DNAH12: variants seen among roughly 807,000 people sequenced by gnomAD.
DNAH12 encodes the protein dynein axonemal heavy chain 12, also known as axonemal beta dynein heavy chain 12.
DNAH12 carries 285 observed loss-of-function variants against 371.5 expected under a neutral mutation model. The observed-to-expected ratio is 0.77, with a 90% confidence interval of 0.70 to 0.85. The LOEUF (loss-of-function observed/expected upper bound fraction) is 0.85, where lower values mean the gene tolerates loss of function less well. DNAH12 is among the 40% of genes least tolerant of loss of function. The pLI, the probability that DNAH12 is intolerant of heterozygous loss-of-function variation, is 0.00. For missense variants in DNAH12, 3,611 were observed against 3,689.4 expected, an observed-to-expected ratio of 0.98 and a Z score of 0.55; for synonymous variants, 1,200 against 1,213.0, an observed-to-expected ratio of 0.99 and a Z score of 0.22.
chr3:57,432,187 T>C (rs1189811803), intron 32 of DNAH12, among the ~76,000 whole-genome samples: 2 of 140,656 alleles, frequency 1.4e-5, no homozygotes, highest in Non-Finnish European at 3.1e-5. Flanking sequence ...TTTTTTTTTC[T>C]GAGATGGAGT....
intron 13 of DNAH12, among the ~76,000 whole-genome samples, chr3:57,476,623 T>G (rs2066535892): frequency 6.6e-6 from 1 of 152,206 alleles, no homozygotes; most frequent in African/African-American, 2.4e-5. Flanking sequence ...CAAGGGATTA[T>G]GATGGGCTTC....
chr3:57,294,180 T>C (rs929067422), intron 73 of DNAH12, among the ~76,000 whole-genome samples: 2 of 147,448 alleles, frequency 1.4e-5, no homozygotes, highest in Non-Finnish European at 3.0e-5. Context: ...TCTTTTCTTT[T>C]TTTTTTTTTT....
chr3:57,370,252 A>G (rs1416757404), intron 55 of DNAH12, among the ~76,000 whole-genome samples: 2 of 152,242 alleles, frequency 1.3e-5, no homozygotes, highest in African/African-American at 4.8e-5. Flanking sequence ...AAGTGTTTTC[A>G]TCATGGTTGA....
At chr3:57,449,483 C>T (rs1452959101) in intron 25 of DNAH12, among the ~76,000 whole-genome samples, 2 of 152,230 alleles carry the variant, frequency 1.3e-5, no homozygotes, top group Admixed American at 1.3e-4. Context: ...GGTCCCGAGC[C>T]ATGCCCGGCG....
At chr3:57,545,804 T>G (rs911374818), upstream of DNAH12, among the ~76,000 whole-genome samples, 1 of 152,056 alleles carries the variant, frequency 6.6e-6, no homozygotes, top group Non-Finnish European at 1.5e-5. Context: ...TCCAGCCCAT[T>G]TGGACAAAAA....
chr3:57,497,473 A>G (rs2067361825), intron 11 of DNAH12, among the ~76,000 whole-genome samples: 1 of 152,256 alleles, frequency 6.6e-6, no homozygotes, highest in Admixed American at 6.5e-5. Context: ...AGATGGCAAG[A>G]TAATTCAATG....
chr3:57,504,207 G>A lies in DNAH12; in HGVS notation c.898-3C>T, dbSNP rs371486739. 157 of 1,601,724 alleles carry A rather than the reference G, an allele frequency of 9.8e-5. 1 individual carries two copies. In the South Asian group the frequency reaches 1.4e-3, roughly 15 times the overall value. ...GTTCTCCTTAATAGATCCTTTAGCT[G>A]CGTGATATAAATCACTGTTACTTTA... On this transcript the variant is annotated splice_region_variant and splice_polypyrimidine_tract_variant and intron_variant, in intron 8 of 73. Coordinates refer to ENST00000495027, the MANE Select transcript of DNAH12 (RefSeq NM_001366028.2).
chr3:57,421,866 A>G, intron 35 of DNAH12, 160 bp from the exon 36 acceptor site: 1 of 567,794 alleles, frequency 1.8e-6, no homozygotes, highest in East Asian at 3.0e-5. Flanking sequence ...CCACATAGTC[A>G]TTTCTCTGAC....
At chr3:57,382,569 TCAG>T (rs2063416129) in intron 49 of DNAH12, among the ~76,000 whole-genome samples, 176 bp from the exon 50 acceptor site, 3 of 151,928 alleles carry the variant, frequency 2.0e-5, no homozygotes, top group Non-Finnish European at 2.9e-5. Context: ...AAAAGAGAAT[TCAG>T]CACAGATTAA....
At chr3:57,448,511 C>T (rs1263295195) in intron 25 of DNAH12, among the ~76,000 whole-genome samples, 1 of 148,354 alleles carries the variant, frequency 6.7e-6, no homozygotes, top group Non-Finnish European at 1.5e-5. Flanking sequence ...TGTAGGTCTT[C>T]GCAGTGAGTG....
intron 11 of DNAH12, among the ~76,000 whole-genome samples, chr3:57,492,144 A>G (rs2067149280): frequency 6.6e-6 from 1 of 152,142 alleles, no homozygotes; most frequent in African/African-American, 2.4e-5. Flanking sequence ...CCTGGACAAC[A>G]GAGACCCTGT....
At chr3:57,538,155 T>C (rs1471137167) in intron 2 of DNAH12, among the ~76,000 whole-genome samples, 1 of 152,168 alleles carries the variant, frequency 6.6e-6, no homozygotes, top group Non-Finnish European at 1.5e-5. Flanking sequence ...TGAAGTGGAA[T>C]TCAGTAAGAG....
chr3:57,320,216 T>G (rs1311909725), intron 65 of DNAH12, among the ~76,000 whole-genome samples: 1 of 152,204 alleles, frequency 6.6e-6, no homozygotes. Flanking sequence ...TTCCTTTGAC[T>G]AAAATGTCAG....
chr3:57,459,098 AAT>A (rs1259906644), intron 20 of DNAH12, among the ~76,000 whole-genome samples: 2 of 152,180 alleles, frequency 1.3e-5, no homozygotes, highest in Non-Finnish European at 2.9e-5. Flanking sequence ...GTGTATGAAA[AAT>A]ATATAGTCTG....
chr3:57,301,695 C>T (rs2061349340), intron 70 of DNAH12, 40 bp downstream of exon 70: 2 of 1,340,720 alleles, frequency 1.5e-6, no homozygotes, highest in Non-Finnish European at 2.1e-6. Context: ...CACACACACA[C>T]ACACACACAC....
At chr3:57,363,328 TAATA>T (rs1313954191) in intron 58 of DNAH12, among the ~76,000 whole-genome samples, 1 of 152,152 alleles carries the variant, frequency 6.6e-6, no homozygotes, top group Non-Finnish European at 1.5e-5. Context: ...TATCCAATAA[TAATA>T]AATATATTTT....
intron 69 of DNAH12, among the ~76,000 whole-genome samples, chr3:57,302,532 T>C (rs866451222): frequency 1.8e-4 from 7 of 37,860 alleles, no homozygotes; most frequent in African/African-American, 5.1e-4. Flanking sequence ...ATCAGGTGTA[T>C]ATATATATAT....
intron 60 of DNAH12, among the ~76,000 whole-genome samples, chr3:57,339,377 T>G (rs1553655322): frequency 1.0e-5 from 1 of 100,020 alleles, no homozygotes; most frequent in African/African-American, 3.7e-5. Context: ...GATCAATAAA[T>G]ACTAAAAAAA....
chr3:57,488,647 G>A (rs1028325804), intron 12 of DNAH12, among the ~76,000 whole-genome samples: 21 of 152,182 alleles, frequency 1.4e-4, no homozygotes, highest in Middle Eastern at 6.8e-3. Flanking sequence ...TTTGCTTCCG[G>A]GAAAATAAAC....
Sources: gnomAD v4.1 joint callset for allele counts (sites outside exome capture counted in the v4.1 genomes callset) on GRCh38, gnomAD v4.1.1 for gene constraint, MANE v1.5 for transcripts, NCBI Gene and HGNC (gene_info 2026-07-23, HGNC 2026-07-21) for gene names.